Variants in SHLD1 observed in about 807,000 individuals in gnomAD.
SHLD1 encodes shieldin complex subunit 1.
SHLD1 carries 3 observed loss-of-function variants against 5.5 expected under a neutral mutation model. The observed-to-expected ratio is 0.54, with a 90% CI of 0.25 to 1.40. The LOEUF (loss-of-function observed/expected upper bound fraction) is 1.40. SHLD1 is among the 40% of genes most tolerant of loss of function. SHLD1 has a pLI of 0.15. For synonymous variants in SHLD1, 92 were observed against 94.3 expected, an observed-to-expected ratio of 0.98 and a Z score of 0.14; for missense variants, 210 against 244.4, an observed-to-expected ratio of 0.86 and a Z score of 0.94.
intron 1 of SHLD1, among the ~76,000 whole-genome samples, chr20:5,761,114 G>A (rs1984439845): frequency 6.6e-6 from 1 of 152,116 alleles, no homozygotes; most frequent in Non-Finnish European, 1.5e-5. Flanking sequence ...CAGGGACATG[G>A]ATGAAGCTGG....
At chr20:5,759,130 A>G (rs1240543348) in intron 1 of SHLD1, among the ~76,000 whole-genome samples, 1 of 150,736 alleles carries the variant, frequency 6.6e-6, no homozygotes, top group Non-Finnish European at 1.5e-5. Context: ...AATTTTTTGT[A>G]TTTTTAGTAG....
rs141279382 is a variant in SHLD1, at chr20:5,790,131, T to A, written c.178+17088T>A. ...TTGTTCCCCTGGGCCAGAGCCTCCCTCCCCTGCCTACATTCACTGGGGAGC... is the reference window on the plus strand; with the variant it reads ...TTGTTCCCCTGGGCCAGAGCCTCCCACCCCTGCCTACATTCACTGGGGAGC... On this transcript the variant is annotated intron_variant, in intron 2 of 2. Coordinates refer to ENST00000303142, the MANE Select transcript of SHLD1 (RefSeq NM_152504.4). Among the ~76,000 whole-genome samples, 333 of 152,168 alleles carry A rather than the reference T, an allele frequency of 2.2e-3. 1 individual carries two copies. The highest frequency in any genetic ancestry group is 4.9e-3 in the Admixed American group (75 of 15,274).
At chr20:5,785,709 T>C (rs1360644433) in intron 2 of SHLD1, among the ~76,000 whole-genome samples, 3 of 151,314 alleles carry the variant, frequency 2.0e-5, no homozygotes, top group African/African-American at 7.3e-5. Context: ...GACAGGAGAA[T>C]TGCTTGAACC....
chr20:5,773,066 A>G (rs1188447948), intron 2 of SHLD1, 23 bp downstream of exon 2: 1 of 1,613,418 alleles, frequency 6.2e-7, no homozygotes, highest in Non-Finnish European at 8.5e-7. Flanking sequence ...GTTTAAAACA[A>G]ACTAACTTAA....
intron 1 of SHLD1, among the ~76,000 whole-genome samples, chr20:5,760,546 A>G (rs1984399409): frequency 6.6e-6 from 1 of 151,976 alleles, no homozygotes; most frequent in South Asian, 2.1e-4. Context: ...TACAAAAATT[A>G]GTCGGGCATG....
chr20:5,776,156 A>G (rs1194129291), intron 2 of SHLD1, among the ~76,000 whole-genome samples: 1 of 151,598 alleles, frequency 6.6e-6, no homozygotes, highest in African/African-American at 2.4e-5. Flanking sequence ...TGAACTCCTG[A>G]CCTCAAGTGA....
At chr20:5,777,494 G>A (rs935873647) in intron 2 of SHLD1, among the ~76,000 whole-genome samples, 3 of 151,844 alleles carry the variant, frequency 2.0e-5, no homozygotes, top group Non-Finnish European at 2.9e-5. Context: ...AGGCTGAAGT[G>A]CAGTATTGTG....
intron 2 of SHLD1, among the ~76,000 whole-genome samples, chr20:5,779,880 A>G (rs1270117232): frequency 6.6e-6 from 1 of 151,676 alleles, no homozygotes; most frequent in African/African-American, 2.4e-5. Context: ...CTAAGGGTGA[A>G]CTTGGGACCT....
chr20:5,837,256 C>T (rs766149586), intron 2 of SHLD1, among the ~76,000 whole-genome samples: 4 of 152,190 alleles, frequency 2.6e-5, no homozygotes, highest in Admixed American at 1.3e-4. Context: ...GCCTCCCCTC[C>T]GCCCACCACC....
At chr20:5,845,127 T>C (rs1336787969) in intron 2 of SHLD1, among the ~76,000 whole-genome samples, 1 of 152,152 alleles carries the variant, frequency 6.6e-6, no homozygotes, top group Non-Finnish European at 1.5e-5. Context: ...CATTCACTAT[T>C]CACTTTGAAA....
Position 5,844,568 on chromosome 20 carries a change from G to T in SHLD1, c.179-18456G>T, listed in dbSNP as rs927196181. On this transcript the variant is annotated intron_variant, in intron 2 of 2. Transcript: ENST00000303142. Reference sequence around the variant, plus strand: ...CTAGGATCATGTTTACTTTGCAGAGGGTGCACCAGGGACCTCTGTATAATC... The same window carrying T: ...CTAGGATCATGTTTACTTTGCAGAGTGTGCACCAGGGACCTCTGTATAATC... Among the ~76,000 whole-genome samples the T allele has an allele frequency of 5.9e-5, 9 of 152,056 alleles. No individual in the cohort carries two copies. In the South Asian group the frequency reaches 1.9e-3, roughly 32 times the overall value.
intron 2 of SHLD1, among the ~76,000 whole-genome samples, chr20:5,821,709 C>T (rs2087608308): frequency 6.6e-6 from 1 of 152,154 alleles, no homozygotes; most frequent in Non-Finnish European, 1.5e-5. Context: ...ATGAGGTGGC[C>T]GCCAAGTGAA....
At chr20:5,846,675 T>C (rs2655015) in intron 2 of SHLD1, among the ~76,000 whole-genome samples, 57,457 of 152,116 alleles carry the variant, frequency 0.38, 13,092 homozygotes, top group African/African-American at 0.65. Context: ...TCCCTGGTTC[T>C]CTTGTCTGAC....
At chr20:5,832,026 C>G (rs2087734235) in intron 2 of SHLD1, among the ~76,000 whole-genome samples, 1 of 152,320 alleles carries the variant, frequency 6.6e-6, no homozygotes, top group East Asian at 1.9e-4. Flanking sequence ...TGGCAACCTC[C>G]GCCTACCTGC....
chr20:5,803,637 G>A (rs1043974894), intron 2 of SHLD1, among the ~76,000 whole-genome samples: 2 of 152,014 alleles, frequency 1.3e-5, no homozygotes, highest in Non-Finnish European at 2.9e-5. Context: ...TCGGGAGGCC[G>A]AAGCAGGCAG....
chr20:5,784,117 A>T (rs1459192820), intron 2 of SHLD1, among the ~76,000 whole-genome samples: 1 of 150,718 alleles, frequency 6.6e-6, no homozygotes, highest in Non-Finnish European at 1.5e-5. Flanking sequence ...CGCCACGGGC[A>T]CTCCAGCCTG....
In SHLD1 at chr20:5,847,845, G is replaced by A. The variant is rs149269945; in HGVS notation, c.179-15179G>A. On this transcript the variant is annotated intron_variant, in intron 2 of 2. Coordinates refer to ENST00000303142, the MANE Select transcript of SHLD1 (RefSeq NM_152504.4). The stretch of plus-strand genomic sequence containing the variant: ...CAATTTGGCAGGATCTAGTCAAGTC[G>A]AAAATGCACATTCCCTTCGATTCCA... Among the ~76,000 whole-genome samples, 1,092 of 152,254 alleles carry A rather than the reference G, an allele frequency of 7.2e-3. 16 individuals are homozygous for A. Among genetic ancestry groups the A allele is most frequent in the African/African-American group, 0.025 (1,045 of 41,546 alleles).
chr20:5,776,386 C>T (rs1985428360), intron 2 of SHLD1, among the ~76,000 whole-genome samples: 1 of 152,164 alleles, frequency 6.6e-6, no homozygotes. Flanking sequence ...TTCCTGTGTC[C>T]TCATATGGCC....
intron 2 of SHLD1, among the ~76,000 whole-genome samples, chr20:5,791,836 G>T (rs2087145894): frequency 6.6e-6 from 1 of 152,086 alleles, no homozygotes; most frequent in Non-Finnish European, 1.5e-5. Context: ...ACACAATTCA[G>T]TTTCTCCACA....
Sources: allele counts gnomAD v4.1 joint callset (sites outside exome capture counted in the v4.1 genomes callset), GRCh38; gene constraint gnomAD v4.1.1; transcripts MANE v1.5; gene names NCBI Gene and HGNC (gene_info 2026-07-23, HGNC 2026-07-21).